The following ERCC6L variants were observed in gnomAD, a reference collection of about 807,000 sequenced individuals.
The protein encoded by ERCC6L is ERCC excision repair 6 like, spindle assembly checkpoint helicase, also known as DNA excision repair protein ERCC-6-like.
In ERCC6L, 7 loss-of-function variants were observed where a neutral mutation model predicts 20.1. The ratio of observed to expected loss-of-function variants is 0.35; its 90% CI spans 0.20 to 0.65. ERCC6L has a LOEUF of 0.65. Among genes scored for constraint, ERCC6L ranks in the 30% least tolerant of loss-of-function variants. The pLI is 0.69. For missense variants in ERCC6L, 592 were observed against 892.4 expected (o/e 0.66, Z 4.29); for synonymous variants, 278 against 331.3 (o/e 0.84, Z 1.75).
intron 1 of ERCC6L, among the ~76,000 whole-genome samples, chrX:72,212,045 C>T (rs1440687279): frequency 9.0e-6 from 1 of 111,032 alleles, no homozygotes; most frequent in African/African-American, 3.3e-5. Flanking sequence ...GAGGCTGAGG[C>T]GGTTGAATCA....
At position 72,210,202 on chromosome X, in the gene ERCC6L, A is replaced by T. The variant is rs762184565; in HGVS notation, c.69-1504T>A. The stretch of plus-strand genomic sequence containing the variant: ...ATAACATAGCGAGACTGTCTCTTAA[A>T]AAATAAATAAATAAATAAATAAATA... On this transcript the variant is annotated intron_variant, in intron 1 of 1. Transcript: ENST00000334463. Among the ~76,000 whole-genome samples the T allele has an allele frequency of 1.8e-3, 173 of 97,189 alleles. No homozygotes were observed. The South Asian group carries it at 0.04, about 22-fold the overall frequency. 84.4% of individuals were successfully genotyped at this position (97,189 alleles called of 115,157 possible). A position where few individuals can be genotyped will look rare whatever the true frequency, so the allele number is the denominator to read the frequency against.
chrX:72,213,554 T>G (rs1051362782), intron 1 of ERCC6L, among the ~76,000 whole-genome samples: 1 of 111,958 alleles, frequency 8.9e-6, no homozygotes, highest in African/African-American at 3.2e-5. Context: ...ACCACTGCTG[T>G]TTGCCACCGT....
chrX:72,238,979 GGAGCTTA>G lies in ERCC6L; in HGVS notation c.-75_-69del. 1 of 1,024,900 alleles carries G rather than the reference GGAGCTTA, an allele frequency of 9.8e-7. No individual in the cohort carries two copies. The highest frequency in any genetic ancestry group is 1.3e-6 in the Non-Finnish European group (1 of 745,794). 84.5% of individuals were successfully genotyped at this position (1,024,900 alleles called of 1,213,427 possible). On this transcript the variant is annotated 5_prime_UTR_variant, in exon 1 of 2. Coordinates refer to ENST00000334463, the MANE Select transcript of ERCC6L (RefSeq NM_017669.4). The stretch of plus-strand genomic sequence containing the variant: ...GCTTGGAGCTTGGAGCTTGGAGCTT[GGAGCTTA>G]GAGTTTGGAGCTTGAATTTCGCTCA...
intron 1 of ERCC6L, among the ~76,000 whole-genome samples, chrX:72,224,522 G>A (rs1464770335): frequency 9.0e-6 from 1 of 111,664 alleles, no homozygotes; most frequent in Non-Finnish European, 1.9e-5. Flanking sequence ...CGAGGCAGGC[G>A]GATCACCTGA....
chrX:72,209,427 C>A (rs2042839920), intron 1 of ERCC6L, among the ~76,000 whole-genome samples: 1 of 112,041 alleles, frequency 8.9e-6, no homozygotes, highest in African/African-American at 3.2e-5. Context: ...TAAAAACGTG[C>A]TTCTCCATTT....
At chrX:72,236,583 T>A (rs1175755273) in intron 1 of ERCC6L, among the ~76,000 whole-genome samples, 3 of 112,053 alleles carry the variant, frequency 2.7e-5, no homozygotes, top group Non-Finnish European at 5.6e-5. Context: ...CATGAGCCAC[T>A]GCACCCAGCC....
At chrX:72,234,136 T>A (rs1268696046) in intron 1 of ERCC6L, among the ~76,000 whole-genome samples, 1 of 111,993 alleles carries the variant, frequency 8.9e-6, no homozygotes, top group Non-Finnish European at 1.9e-5. Flanking sequence ...ATGTTCTTTT[T>A]AAGGAATATA....
chrX:72,206,984 A>G lies in ERCC6L; in HGVS notation c.1783T>C (p.Tyr595His). The G allele has an allele frequency of 2.5e-6, 3 of 1,211,157 alleles. No homozygotes were observed. Among genetic ancestry groups the G allele is most frequent in the Non-Finnish European group, 3.4e-6 (3 of 895,314 alleles). Residue 595 changes from tyrosine to histidine, a missense_variant, in exon 2 of 2, where the codon TAC becomes CAC. Tyr to His is a moderately conservative substitution (Grantham distance 83, BLOSUM62 2). Coordinates refer to ENST00000334463, the MANE Select transcript of ERCC6L (RefSeq NM_017669.4). ...ITCGTVEEKI[Y>H]RRQVFKDSLI... is the part of the protein sequence containing the mutation. ...GAGTCCTTGAAAACCTGTCTTCTGT[A>G]TATTTTTTCCTCTACAGTCCCACAA...
At chrX:72,235,200 G>A (rs1251999554) in intron 1 of ERCC6L, among the ~76,000 whole-genome samples, 1 of 111,482 alleles carries the variant, frequency 9.0e-6, no homozygotes, top group East Asian at 2.8e-4. Context: ...TAAAATTAAG[G>A]TTGCAGCAAG....
At chrX:72,236,694 T>G (rs768076471) in intron 1 of ERCC6L, among the ~76,000 whole-genome samples, 1 of 112,303 alleles carries the variant, frequency 8.9e-6, no homozygotes, top group East Asian at 2.8e-4. Context: ...AGTAGGTTCT[T>G]GGCAACTGCA....
In ERCC6L at chrX:72,213,581, A is replaced by C. The variant is rs141552033; in HGVS notation, c.69-4883T>G. On this transcript the variant is annotated intron_variant, in intron 1 of 1. Coordinates refer to ENST00000334463, the MANE Select transcript of ERCC6L (RefSeq NM_017669.4). ...TGCCACCGTTGCAGACCCATCGCTG[A>C]CTTCCACCCCTCCAGATATGGCAGG... Among the ~76,000 whole-genome samples the C allele has an allele frequency of 3.7e-3, 409 of 111,862 alleles. 2 individuals are homozygous for C. Among genetic ancestry groups the C allele is most frequent in the African/African-American group, 0.013 (392 of 30,857 alleles).
intron 1 of ERCC6L, among the ~76,000 whole-genome samples, chrX:72,217,790 C>T (rs911847147): frequency 6.3e-5 from 7 of 111,052 alleles, no homozygotes; most frequent in African/African-American, 2.3e-4. Context: ...TAAGCAAGTG[C>T]CTGAAATATG....
intron 1 of ERCC6L, among the ~76,000 whole-genome samples, chrX:72,226,298 C>T (rs974216628): frequency 8.9e-6 from 1 of 111,761 alleles, no homozygotes; most frequent in Non-Finnish European, 1.9e-5. Flanking sequence ...AAAACCCTTC[C>T]CTCCAAGCAG....
chrX:72,213,548 C>A (rs921508739), intron 1 of ERCC6L, among the ~76,000 whole-genome samples: 3 of 112,099 alleles, frequency 2.7e-5, no homozygotes, highest in Non-Finnish European at 3.8e-5. Flanking sequence ...CCGTCCACCA[C>A]TGCTGTTTGC....
intron 1 of ERCC6L, among the ~76,000 whole-genome samples, chrX:72,236,321 C>T (rs2043017007): frequency 9.1e-6 from 1 of 110,465 alleles, no homozygotes; most frequent in Non-Finnish European, 1.9e-5. Context: ...TTTTCTGAGA[C>T]GGAGTCTTGC....
At chrX:72,213,573 C>A (rs1330473066) in intron 1 of ERCC6L, among the ~76,000 whole-genome samples, 1 of 112,083 alleles carries the variant, frequency 8.9e-6, no homozygotes, top group Non-Finnish European at 1.9e-5. Context: ...GTTGCAGACC[C>A]ATCGCTGACT....
At position 72,206,564 on chromosome X, in the gene ERCC6L, C is replaced by G. The variant is rs760051206; in HGVS notation, c.2203G>C (p.Val735Leu). The change falls in exon 2 of 2, where the codon GTA (valine) becomes CTA (leucine). Residue 735 changes from valine to leucine, a missense_variant. Physicochemically the swap from Val to Leu is conservative, Grantham distance 32. Around this residue, in one of 3 missense-constraint regions of ERCC6L, gnomAD observed 352 missense variants for 402.6 expected, o/e 0.87. Coordinates refer to ENST00000334463, the MANE Select transcript of ERCC6L (RefSeq NM_017669.4). ...TTCTTCTTTGTTGAAGAAGGAAATACAGGTTCTCTTAGCCAGGCCCCCTCA... is the reference window on the plus strand; with the variant it reads ...TTCTTCTTTGTTGAAGAAGGAAATAGAGGTTCTCTTAGCCAGGCCCCCTCA... Reference protein sequence around the residue: ...RNEGAWLREPVFPSSTKKKCP... With the variant: ...RNEGAWLREPLFPSSTKKKCP... 1 of 1,211,516 alleles carries G rather than the reference C, an allele frequency of 8.3e-7. No homozygotes were observed. Among genetic ancestry groups the G allele is most frequent in the Non-Finnish European group, 1.1e-6 (1 of 895,364 alleles).
intron 1 of ERCC6L, among the ~76,000 whole-genome samples, chrX:72,211,943 G>T (rs987841212): frequency 2.7e-5 from 3 of 111,191 alleles, no homozygotes; most frequent in African/African-American, 9.8e-5. Flanking sequence ...CCACCTAAAG[G>T]TCTCTCTATA....
At chrX:72,214,499 C>T (rs1028408814) in intron 1 of ERCC6L, among the ~76,000 whole-genome samples, 1 of 109,258 alleles carries the variant, frequency 9.2e-6, no homozygotes, top group African/African-American at 3.3e-5. Context: ...CATGGTGAAA[C>T]CCATCTCTAC....
Sources: gnomAD v4.1 joint callset for allele counts (sites outside exome capture counted in the v4.1 genomes callset) on GRCh38, gnomAD v4.1.1 for gene constraint, gnomAD v4.1.1 regional missense constraint, MANE v1.5 for transcripts, NCBI Gene and HGNC (gene_info 2026-07-23, HGNC 2026-07-21) for gene names.